Variants in CEP55 observed in about 807,000 individuals in gnomAD.
CEP55 encodes centrosomal protein 55, also known as centrosomal protein of 55 kDa.
Under a neutral mutation model 63.2 loss-of-function variants are expected in CEP55, and 57 were observed. The ratio of observed to expected loss-of-function variants is 0.90; its 90% CI spans 0.73 to 1.13. The LOEUF (loss-of-function observed/expected upper bound fraction) is 1.13, where lower values mean the gene tolerates loss of function less well. CEP55 is among the 50% of genes most tolerant of loss of function. CEP55 has a pLI of 0.00. For synonymous variants in CEP55, 178 were observed against 191.6 expected, an observed-to-expected ratio of 0.93 and a Z score of 0.59; for missense variants, 456 against 518.9, an observed-to-expected ratio of 0.88 and a Z score of 1.18.
At position 93,516,965 on chromosome 10, in the gene CEP55, A is replaced by G. The variant is rs1355046037; in HGVS notation, c.710A>G (p.Tyr237Cys). Residue 237 changes from tyrosine to cysteine, a missense_variant, in exon 6 of 9, where the codon TAC (tyrosine) becomes TGC (cysteine). Coordinates refer to ENST00000371485, the MANE Select transcript of CEP55 (RefSeq NM_018131.5). ...GYLQEEKQKC[Y>C]NDLLASAKKD... is the part of the protein sequence containing the mutation. ...CTTCAAGAAGAGAAGCAGAAATGTT[A>G]CAACGATCTCTTGGCAAGTGCAAAA... The G allele has an allele frequency of 5.6e-6, 9 of 1,593,620 alleles. No individual in the cohort carries two copies. In the East Asian group the frequency reaches 2.0e-4, roughly 36 times the overall value.
chr10:93,514,435 TCCTCTAAAGAAGA>T (rs2057782247), intron 4 of CEP55, among the ~76,000 whole-genome samples: 1 of 152,208 alleles, frequency 6.6e-6, no homozygotes, highest in African/African-American at 2.4e-5. Flanking sequence ...TTAAGTTTGA[TCCTCTAAAGAAGA>T]CACTGAGATG....
intron 8 of CEP55, among the ~76,000 whole-genome samples, chr10:93,520,601 C>G (rs1037115648): frequency 6.6e-6 from 1 of 151,890 alleles, no homozygotes; most frequent in African/African-American, 2.4e-5. Flanking sequence ...TGGTTTTTCA[C>G]TTACTTATTC....
intron 8 of CEP55, among the ~76,000 whole-genome samples, chr10:93,527,577 C>T (rs2057936971): frequency 6.6e-6 from 1 of 152,050 alleles, no homozygotes; most frequent in South Asian, 2.1e-4. Context: ...GTTAAAATTG[C>T]TGAACAGGCT....
chr10:93,497,908 C>CA (rs1392935808), intron 1 of CEP55, among the ~76,000 whole-genome samples: 1 of 151,870 alleles, frequency 6.6e-6, no homozygotes, highest in Non-Finnish European at 1.5e-5. Context: ...CACTTGAGGT[C>CA]AGGAGTTCGA....
intron 8 of CEP55, among the ~76,000 whole-genome samples, chr10:93,525,970 A>G (rs529501746): frequency 0.014 from 2,164 of 152,328 alleles, 46 homozygotes; most frequent in African/African-American, 0.049. Flanking sequence ...GTTAGACCTA[A>G]AACCATAAAA....
chr10:93,528,239 T>C lies in CEP55; in HGVS notation c.*86T>C, dbSNP rs1305970680. The C allele has an allele frequency of 6.5e-6, 8 of 1,226,120 alleles. No individual in the cohort carries two copies. Among genetic ancestry groups the C allele is most frequent in the Non-Finnish European group, 9.3e-6 (8 of 855,838 alleles). 76.0% of individuals were successfully genotyped at this position (1,226,120 alleles called of 1,614,324 possible). ...GGCATTTTGAATTATATATTTCACA[T>C]TTTGCATAAAACTGCCTATCTACCT... On this transcript the variant is annotated 3_prime_UTR_variant, in exon 9 of 9. Transcript: ENST00000371485.
intron 3 of CEP55, among the ~76,000 whole-genome samples, chr10:93,505,077 G>A (rs2057674826): frequency 6.6e-6 from 1 of 152,172 alleles, no homozygotes; most frequent in Admixed American, 6.5e-5. Context: ...CTCCCAAAGT[G>A]CTGGGATTAC....
At chr10:93,502,321 T>C (rs1303927986) in intron 2 of CEP55, among the ~76,000 whole-genome samples, 1 of 152,184 alleles carries the variant, frequency 6.6e-6, no homozygotes, top group East Asian at 1.9e-4. Flanking sequence ...TGATTTGAGT[T>C]AAGCTTGTGG....
At chr10:93,505,655 T>C (rs1399837202) in intron 3 of CEP55, among the ~76,000 whole-genome samples, 1 of 152,214 alleles carries the variant, frequency 6.6e-6, no homozygotes, top group African/African-American at 2.4e-5. Flanking sequence ...AATAATTTTT[T>C]TGAGCTTCTT....
intron 4 of CEP55, among the ~76,000 whole-genome samples, chr10:93,512,634 G>A (rs2057765497): frequency 6.6e-6 from 1 of 151,808 alleles, no homozygotes; most frequent in African/African-American, 2.4e-5. Context: ...GGTATCTTTA[G>A]TATCTAACAC....
At chr10:93,521,820 T>TA (rs2057866791) in intron 8 of CEP55, among the ~76,000 whole-genome samples, 1 of 152,198 alleles carries the variant, frequency 6.6e-6, no homozygotes, top group Non-Finnish European at 1.5e-5. Flanking sequence ...CCGCTGCTGA[T>TA]ACCCAGGCAA....
In CEP55 at chr10:93,517,207, CTT is replaced by C; in HGVS notation, c.953_954del (p.Leu318ArgfsTer46). On this transcript the variant is annotated frameshift_variant, in exon 6 of 9. Transcript: ENST00000371485. LOFTEE classifies it high-confidence loss of function. Reference sequence around the variant, plus strand: ...AGAGAATGATATTGCTAGGGGAAAACTTGAAGAAGAGAAGAAGAGATCCGAAG... The same window carrying C: ...AGAGAATGATATTGCTAGGGGAAAACGAAGAAGAGAAGAAGAGATCCGAAG... ...REENDIARGKLEEEKKRSEEL... is the reference protein window; with the variant it reads ...REENDIARGKXEEEKKRSEEL... 2 of 1,609,118 alleles carry C rather than the reference CTT, an allele frequency of 1.2e-6. No individual in the cohort carries two copies. The highest frequency in any genetic ancestry group is 1.7e-6 in the Non-Finnish European group (2 of 1,178,004).
rs1000112075 is a variant in CEP55 at position 93,496,760 on chromosome 10, T to G, written c.-176T>G. On this transcript the variant is annotated 5_prime_UTR_variant, in exon 1 of 9. Coordinates refer to ENST00000371485, the MANE Select transcript of CEP55 (RefSeq NM_018131.5). ...ACCCGCAGCCCCGGGGCCGGGCCGGTCCGGACCGCCAGGGAGGGCAGGTCA... is the reference window on the plus strand; with the variant it reads ...ACCCGCAGCCCCGGGGCCGGGCCGGGCCGGACCGCCAGGGAGGGCAGGTCA... 1 of 152,366 alleles carries G rather than the reference T, an allele frequency of 6.6e-6. No homozygotes were observed. Among genetic ancestry groups the G allele is most frequent in the South Asian group, 2.1e-4 (1 of 4,828 alleles). The allele number at this position is 152,366 out of a possible 1,614,324, so 9.4% of individuals were successfully genotyped here.
At chr10:93,518,306 C>T (rs935462052) in intron 6 of CEP55, among the ~76,000 whole-genome samples, 12 of 152,110 alleles carry the variant, frequency 7.9e-5, no homozygotes, top group Non-Finnish European at 8.8e-5. Context: ...CCCACCACCA[C>T]GGCTGGCCAA....
At chr10:93,514,939 AT>A (rs2057788558) in intron 4 of CEP55, among the ~76,000 whole-genome samples, 4 of 152,024 alleles carry the variant, frequency 2.6e-5, no homozygotes, top group Admixed American at 2.6e-4. Flanking sequence ...TGCCTGGCTA[AT>A]TTTTGTATTT....
Position 93,506,995 on chromosome 10 carries a change from C to A in CEP55, c.467C>A (p.Ala156Asp). ...ATGTTGGATTATTTACAGACTGTGG[C>A]TCCAAACTGCTTCAACTCATCAATA... ...TNTLRLSQTV[A>D]PNCFNSSINN... Residue 156 changes from alanine (A) to aspartate (D), a missense_variant, in exon 4 of 9, where the codon GCT becomes GAT. Transcript: ENST00000371485. The A allele has an allele frequency of 6.3e-7, 1 of 1,582,016 alleles. No homozygotes were observed. Among genetic ancestry groups the A allele is most frequent in the Non-Finnish European group, 8.7e-7 (1 of 1,150,880 alleles).
At chr10:93,510,600 CAAG>C (rs2057736052) in intron 4 of CEP55, 1 of 152,158 alleles carries the variant, frequency 6.6e-6, no homozygotes, top group African/African-American at 2.4e-5. Context: ...TTCTCCCATC[CAAG>C]TACTAAACAG....
rs541247110 is a variant in CEP55 at position 93,500,059 on chromosome 10, C to G, written c.8C>G (p.Ser3Cys). Reference protein sequence around the residue: MSSRSTKDLIKSK... With the variant: MSCRSTKDLIKSK... ...TTACAGACCATTTCAGAGATGTCTT[C>G]CAGAAGTACCAAAGATTTAATTAAA... is the stretch of plus-strand genomic sequence containing the variant. Residue 3 changes from serine (S) to cysteine (C), a missense_variant, in exon 2 of 9, where the codon TCC (serine) becomes TGC (cysteine). By Grantham distance (112) the Ser-to-Cys change is moderately radical. Coordinates refer to ENST00000371485, the MANE Select transcript of CEP55 (RefSeq NM_018131.5). 1 of 1,602,482 alleles carries G rather than the reference C, an allele frequency of 6.2e-7. No individual in the cohort carries two copies. The highest frequency in any genetic ancestry group is 1.1e-5 in the South Asian group (1 of 89,518).
At chr10:93,511,568 ATACT>A (rs534599426) in intron 4 of CEP55, among the ~76,000 whole-genome samples, 11 of 150,872 alleles carry the variant, frequency 7.3e-5, no homozygotes, top group Admixed American at 2.0e-4. Context: ...TTTGTTTCTC[ATACT>A]TAAGTGATGT....
Sources: allele counts gnomAD v4.1 joint callset (sites outside exome capture counted in the v4.1 genomes callset), GRCh38; gene constraint gnomAD v4.1.1; transcripts MANE v1.5; gene names NCBI Gene and HGNC (gene_info 2026-07-23, HGNC 2026-07-21).